The following CUL1 variants were observed in gnomAD, a reference collection of about 807,000 sequenced individuals.
CUL1 encodes the protein cullin-1.
In CUL1, 24 loss-of-function variants were observed where a neutral mutation model predicts 118.0. That is an observed-to-expected ratio of 0.20 (90% confidence interval 0.15 to 0.29). The LOEUF (loss-of-function observed/expected upper bound fraction) is 0.29, where lower values mean the gene tolerates loss of function less well. Among genes scored for constraint, CUL1 ranks in the 10% least tolerant of loss-of-function variants. The pLI, the probability that CUL1 is intolerant of heterozygous loss-of-function variation, is 1.00. For missense variants in CUL1, 361 were observed against 933.8 expected (o/e 0.39, Z 7.99); for synonymous variants, 332 against 340.4 (o/e 0.98, Z 0.27).
At chr7:148,778,103 A>AAG (rs1563166664) in intron 9 of CUL1, among the ~76,000 whole-genome samples, 1 of 147,512 alleles carries the variant, frequency 6.8e-6, no homozygotes, top group Non-Finnish European at 1.5e-5. Context: ...AAAAAGAAGA[A>AAG]GAAGAAGAAT....
At chr7:148,759,893 A>G (rs544221540) in intron 6 of CUL1, among the ~76,000 whole-genome samples, 2 of 152,312 alleles carry the variant, frequency 1.3e-5, no homozygotes, top group African/African-American at 4.8e-5. Context: ...CTGGTCTCAT[A>G]GTGAATTACT....
intron 1 of CUL1, among the ~76,000 whole-genome samples, chr7:148,703,619 G>A (rs761404643): frequency 2.0e-5 from 3 of 151,742 alleles, no homozygotes; most frequent in Non-Finnish European, 1.5e-5. Context: ...TGCAACCTCC[G>A]CCTCCTGGGT....
chr7:148,752,381 A>G (rs1429187000), intron 2 of CUL1, among the ~76,000 whole-genome samples: 5 of 149,740 alleles, frequency 3.3e-5, no homozygotes, highest in Non-Finnish European at 3.0e-5. Flanking sequence ...ATGAGTATAC[A>G]GTAGTTGTTT....
chr7:148,698,661 G>A (rs991612875), upstream of CUL1: 6 of 151,998 alleles, frequency 3.9e-5, no homozygotes, highest in African/African-American at 1.4e-4. Flanking sequence ...CGGGCTGGCG[G>A]GGCGATGGCG....
intron 1 of CUL1, among the ~76,000 whole-genome samples, chr7:148,720,006 A>G (rs1798350794): frequency 1.3e-5 from 2 of 152,236 alleles, no homozygotes; most frequent in South Asian, 4.1e-4. Context: ...CAGAGAATAT[A>G]CTTACTGTGA....
intron 2 of CUL1, among the ~76,000 whole-genome samples, chr7:148,751,680 A>G (rs1466698596): frequency 6.6e-6 from 1 of 152,170 alleles, no homozygotes; most frequent in Non-Finnish European, 1.5e-5. Flanking sequence ...CAAAAGGACT[A>G]TTAGCAAGGT....
At chr7:148,703,003 G>T (rs1797766025) in intron 1 of CUL1, among the ~76,000 whole-genome samples, 1 of 152,176 alleles carries the variant, frequency 6.6e-6, no homozygotes, top group South Asian at 2.1e-4. Flanking sequence ...TATAGGTGAA[G>T]GAGCTGAGAC....
At chr7:148,709,002 T>C (rs970880451) in intron 1 of CUL1, among the ~76,000 whole-genome samples, 17 of 152,244 alleles carry the variant, frequency 1.1e-4, no homozygotes, top group African/African-American at 3.6e-4. Context: ...TTCAAAAATA[T>C]GGATATTGTG....
intron 2 of CUL1, among the ~76,000 whole-genome samples, chr7:148,732,345 ATTT>A (rs34013582): frequency 1.5e-5 from 2 of 134,868 alleles, no homozygotes; most frequent in Non-Finnish European, 1.6e-5. Context: ...TAAGTCATCC[ATTT>A]TTTTTTTTTT....
chr7:148,727,065 G>A (rs553007443), intron 1 of CUL1, among the ~76,000 whole-genome samples: 13 of 152,232 alleles, frequency 8.5e-5, no homozygotes, highest in South Asian at 4.2e-4. Context: ...CATTATGAGC[G>A]TAGACGATGT....
intron 21 of CUL1, 87 bp downstream of exon 21, chr7:148,799,475 G>A (rs746763931): frequency 1.8e-5 from 16 of 871,650 alleles, no homozygotes; most frequent in Non-Finnish European, 2.6e-5. Context: ...GCTGTAGCAT[G>A]AAGGAGGAGG....
Position 148,767,696 on chromosome 7 carries a change from A to G in CUL1, c.1030A>G (p.Ile344Val). Residue 344 changes from isoleucine to valine, a missense_variant, in exon 9 of 22, where the codon ATT (isoleucine) becomes GTT (valine). By Grantham distance (29) the Ile-to-Val change is conservative. Transcript: ENST00000325222. ...GELKKLLETH[I>V]HNQGLAAIEK... ...ATTGAAAAAACTGTTGGAGACACAC[A>G]TTCATAATCAGGGTCTTGCAGCCAT... is the stretch of plus-strand genomic sequence containing the variant. The G allele has an allele frequency of 1.2e-6, 2 of 1,614,014 alleles. No individual in the cohort carries two copies. Among genetic ancestry groups the G allele is most frequent in the Non-Finnish European group, 1.7e-6 (2 of 1,179,906 alleles).
chr7:148,749,678 G>C (rs955298898), intron 2 of CUL1, among the ~76,000 whole-genome samples: 16 of 152,064 alleles, frequency 1.1e-4, no homozygotes. Flanking sequence ...CAACAATCTT[G>C]AGTTGAGGCC....
chr7:148,699,802 G>T (rs571456488), intron 1 of CUL1, among the ~76,000 whole-genome samples: 1 of 152,064 alleles, frequency 6.6e-6, no homozygotes, highest in Non-Finnish European at 1.5e-5. Flanking sequence ...CCTGCGCTGC[G>T]GCCTCGGCGC....
At chr7:148,738,229 T>C (rs906856656) in intron 2 of CUL1, among the ~76,000 whole-genome samples, 2 of 152,178 alleles carry the variant, frequency 1.3e-5, no homozygotes, top group Non-Finnish European at 2.9e-5. Context: ...ATTACGTTAG[T>C]AGTAGATGCT....
At chr7:148,726,635 C>T (rs1798594352) in intron 1 of CUL1, among the ~76,000 whole-genome samples, 2 of 152,062 alleles carry the variant, frequency 1.3e-5, no homozygotes, top group Admixed American at 1.3e-4. Context: ...GTTTGTGGTC[C>T]TGCTACTTTG....
chr7:148,738,112 T>G (rs1799019176), intron 2 of CUL1, among the ~76,000 whole-genome samples: 8 of 152,192 alleles, frequency 5.3e-5, no homozygotes, highest in Admixed American at 5.2e-4. Context: ...TAACTAAAAG[T>G]CAAGAATTGA....
chr7:148,798,049 T>C (rs781533350), intron 19 of CUL1, 30 bp downstream of exon 19: 1 of 1,353,030 alleles, frequency 7.4e-7, no homozygotes, highest in African/African-American at 1.5e-5. Context: ...TAGATGGCCC[T>C]TGACCATAGA....
At chr7:148,719,570 G>T (rs1798333042) in intron 1 of CUL1, among the ~76,000 whole-genome samples, 1 of 152,062 alleles carries the variant, frequency 6.6e-6, no homozygotes, top group Non-Finnish European at 1.5e-5. Context: ...ACAGGTTCTT[G>T]GTCTATATTT....
Sources: gnomAD v4.1 joint callset for allele counts (sites outside exome capture counted in the v4.1 genomes callset) on GRCh38, gnomAD v4.1.1 for gene constraint, MANE v1.5 for transcripts, NCBI Gene and HGNC (gene_info 2026-07-23, HGNC 2026-07-21) for gene names.